The following TFCP2L1 variants were observed in gnomAD, a reference collection of about 807,000 sequenced individuals.
The protein encoded by TFCP2L1 is transcription factor CP2-like protein 1.
In TFCP2L1, 12 loss-of-function variants were observed where a neutral mutation model predicts 72.2. That is an observed-to-expected ratio of 0.17 (90% confidence interval 0.11 to 0.27). TFCP2L1 has a LOEUF of 0.27. TFCP2L1 is among the 10% of genes least tolerant of loss of function. TFCP2L1 has a pLI of 1.00. For synonymous variants in TFCP2L1, 260 were observed against 251.0 expected, an observed-to-expected ratio of 1.04 and a Z score of -0.34; for missense variants, 488 against 624.6, an observed-to-expected ratio of 0.78 and a Z score of 2.33.
intron 2 of TFCP2L1, among the ~76,000 whole-genome samples, chr2:121,275,797 C>G (rs1272308820): frequency 2.0e-5 from 3 of 152,158 alleles, no homozygotes; most frequent in Admixed American, 6.5e-5. Context: ...TCTAGAACTC[C>G]TGACCTCAGA....
chr2:121,258,702 C>T (rs1686775108), intron 2 of TFCP2L1, among the ~76,000 whole-genome samples: 1 of 152,184 alleles, frequency 6.6e-6, no homozygotes, highest in South Asian at 2.1e-4. Flanking sequence ...TGAGGGGAGA[C>T]TGAAGATCTG....
intron 6 of TFCP2L1, among the ~76,000 whole-genome samples, chr2:121,245,795 C>T (rs549942312): frequency 2.4e-4 from 37 of 152,320 alleles, no homozygotes; most frequent in African/African-American, 8.7e-4. Context: ...ATGGTTCTAC[C>T]TGTGGGCATT....
At position 121,285,097 on chromosome 2, in the gene TFCP2L1, G is replaced by T; in HGVS notation, c.13C>A (p.His5Asn). 6.6e-7 allele frequency: 1 copy of T among 1,517,484 alleles called. No homozygotes were observed. The highest frequency in any genetic ancestry group is 8.8e-7 in the Non-Finnish European group (1 of 1,134,124). 94.0% of individuals were successfully genotyped at this position (1,517,484 alleles called of 1,614,324 possible). A position where few individuals can be genotyped will look rare whatever the true frequency, so the allele number is the denominator to read the frequency against. ...TGGTTGTAGTGCTCGGGCTGCGTGTGCCAGAAGAGCATGGCTGGAACTCCC... is the reference window on the plus strand; with the variant it reads ...TGGTTGTAGTGCTCGGGCTGCGTGTTCCAGAAGAGCATGGCTGGAACTCCC... MLFWHTQPEHYNQHN... is the reference protein window; with the variant it reads MLFWNTQPEHYNQHN... Residue 5 changes from histidine to asparagine, a missense_variant, in exon 1 of 15, where the codon CAC (histidine) becomes AAC (asparagine). Transcript: ENST00000263707.
At chr2:121,246,127 C>T (rs1406112176) in intron 6 of TFCP2L1, among the ~76,000 whole-genome samples, 2 of 152,174 alleles carry the variant, frequency 1.3e-5, no homozygotes, top group African/African-American at 4.8e-5. Flanking sequence ...GGGCTGGGGC[C>T]TGCTTGGACA....
chr2:121,281,350 CGACGCA>C, intron 1 of TFCP2L1, 79 bp from the exon 2 acceptor site: 1 of 1,483,502 alleles, frequency 6.7e-7, no homozygotes, highest in Non-Finnish European at 9.0e-7. Flanking sequence ...GCTAGAGAGA[CGACGCA>C]GACCACCGGG....
chr2:121,255,668 C>T (rs1686700426), intron 2 of TFCP2L1, among the ~76,000 whole-genome samples: 1 of 152,200 alleles, frequency 6.6e-6, no homozygotes, highest in Non-Finnish European at 1.5e-5. Context: ...ACTACTGCAC[C>T]CAATGTTTCG....
intron 2 of TFCP2L1, among the ~76,000 whole-genome samples, chr2:121,260,986 C>T (rs1482167175): frequency 1.3e-5 from 2 of 152,218 alleles, no homozygotes; most frequent in African/African-American, 4.8e-5. Flanking sequence ...GGGCTGGATG[C>T]CAACTGTCTG....
At chr2:121,248,850 C>T (rs897416684) in intron 4 of TFCP2L1, 132 bp downstream of exon 4, 24 of 570,604 alleles carry the variant, frequency 4.2e-5, no homozygotes, top group African/African-American at 3.5e-4. Context: ...TGCAAGCTCC[C>T]GCGGGGTTTT....
chr2:121,225,511 C>T, intron 14 of TFCP2L1, 51 bp downstream of exon 14: 1 of 1,576,238 alleles, frequency 6.3e-7, no homozygotes. Context: ...AGGCAGGCCC[C>T]ACCCTCTCAC....
At chr2:121,273,683 A>T (rs2104756693) in intron 2 of TFCP2L1, among the ~76,000 whole-genome samples, 1 of 152,342 alleles carries the variant, frequency 6.6e-6, no homozygotes. Flanking sequence ...ATGTTTTCAG[A>T]GAACTTTAAA....
chr2:121,254,739 G>T (rs1246600909), intron 2 of TFCP2L1, among the ~76,000 whole-genome samples: 1 of 152,000 alleles, frequency 6.6e-6, no homozygotes, highest in Non-Finnish European at 1.5e-5. Flanking sequence ...CAAGGCAGAG[G>T]TTGAAGTGAG....
In TFCP2L1 at chr2:121,223,057, A is replaced by G. The variant is rs978753354; in HGVS notation, c.*1284T>C. On this transcript the variant is annotated 3_prime_UTR_variant, in exon 15 of 15. Coordinates refer to ENST00000263707, the MANE Select transcript of TFCP2L1 (RefSeq NM_014553.3). Reference sequence around the variant, plus strand: ...ATAAAACAAGTTCTCCCCATTGTAGACCCTGTTTTATTCTGGTAGTCCTTC... The same window carrying G: ...ATAAAACAAGTTCTCCCCATTGTAGGCCCTGTTTTATTCTGGTAGTCCTTC... 1 of 152,086 alleles carries G rather than the reference A, an allele frequency of 6.6e-6. No individual in the cohort carries two copies. Among genetic ancestry groups the G allele is most frequent in the African/African-American group, 2.4e-5 (1 of 41,404 alleles). 9.4% of individuals were successfully genotyped at this position (152,086 alleles called of 1,614,324 possible).
intron 12 of TFCP2L1, among the ~76,000 whole-genome samples, 193 bp downstream of exon 12, chr2:121,233,898 C>T (rs566895569): frequency 1.3e-5 from 2 of 152,358 alleles, no homozygotes; most frequent in Admixed American, 6.5e-5. Flanking sequence ...ACCCACACTG[C>T]GGGGCCGCCA....
At chr2:121,271,468 C>T (rs775008558) in intron 2 of TFCP2L1, among the ~76,000 whole-genome samples, 2 of 151,932 alleles carry the variant, frequency 1.3e-5, no homozygotes, top group Non-Finnish European at 2.9e-5. Flanking sequence ...AAGGGGAAAA[C>T]ATTTTTTTAA....
intron 2 of TFCP2L1, among the ~76,000 whole-genome samples, chr2:121,253,289 G>A (rs563079156): frequency 2.2e-4 from 34 of 152,236 alleles, no homozygotes; most frequent in Non-Finnish European, 2.9e-4. Flanking sequence ...AGAGGGAAGA[G>A]GAGCAAACCC....
rs1686551332 is a variant in TFCP2L1, at chr2:121,249,145, C to T, written c.292-58G>A. 3.0e-6 allele frequency: 4 copies of T among 1,313,848 alleles called. No individual in the cohort carries two copies. The South Asian group carries it at 6.0e-5, about 20-fold the overall frequency. The allele number at this position is 1,313,848 out of a possible 1,614,324, so 81.4% of individuals were successfully genotyped here. On this transcript the variant is annotated intron_variant, in intron 3 of 14. Coordinates refer to ENST00000263707, the MANE Select transcript of TFCP2L1 (RefSeq NM_014553.3). ...CCGCGGGGGGCCAAGAGGAACCCAC[C>T]TCTTTTCCCTGAGCCACAGTAAACC...
intron 7 of TFCP2L1, chr2:121,240,063 C>CAAACAAAA: frequency 1.0e-6 from 1 of 985,110 alleles, no homozygotes; most frequent in Non-Finnish European, 1.2e-6. Flanking sequence ...AGGCAACTTC[C>CAAACAAAA]AAACAAAAAA....
In TFCP2L1 at chr2:121,237,828, C is replaced by G. The variant is rs1386439679; in HGVS notation, c.883G>C (p.Val295Leu). Reference protein sequence around the residue: ...GEGNASPTHPVEALPVGSDHL... With the variant: ...GEGNASPTHPLEALPVGSDHL... ...TCACTGCCCACGGGCAGGGCCTCCA[C>G]CGGGTGGGTCGGAGAGGCGTTGCTG... Residue 295 changes from valine to leucine, a missense_variant, in exon 9 of 15, where the codon GTG becomes CTG. Around this residue, in one of 3 missense-constraint regions of TFCP2L1, gnomAD observed 286 missense variants for 329.0 expected, o/e 0.87. Transcript: ENST00000263707. 5.6e-6 allele frequency: 9 copies of G among 1,614,082 alleles called. No individual in the cohort carries two copies. Among genetic ancestry groups the G allele is most frequent in the Middle Eastern group, 3.3e-4 (2 of 6,062 alleles).
chr2:121,273,194 A>C (rs1320219130), intron 2 of TFCP2L1, among the ~76,000 whole-genome samples: 1 of 152,194 alleles, frequency 6.6e-6, no homozygotes, highest in Non-Finnish European at 1.5e-5. Context: ...GAAAATATCA[A>C]AGCATTCCCC....
Sources: allele counts gnomAD v4.1 joint callset (sites outside exome capture counted in the v4.1 genomes callset), GRCh38; gene constraint gnomAD v4.1.1; regional missense constraint gnomAD v4.1.1; transcripts MANE v1.5; gene names NCBI Gene and HGNC (gene_info 2026-07-23, HGNC 2026-07-21).